Variants in ADAMTSL1 observed in about 807,000 individuals in gnomAD.
ADAMTSL1 encodes the protein ADAMTS like 1, also known as ADAMTS-like protein 1.
In ADAMTSL1, 126 loss-of-function variants were observed where a neutral mutation model predicts 201.8. The ratio of observed to expected loss-of-function variants is 0.62; its 90% confidence interval spans 0.54 to 0.72. The LOEUF (loss-of-function observed/expected upper bound fraction) is 0.72, where lower values mean the gene tolerates loss of function less well. Among genes scored for constraint, ADAMTSL1 ranks in the 30% least tolerant of loss-of-function variants. ADAMTSL1 has a pLI of 0.00. For missense variants in ADAMTSL1, 2,679 were observed against 2,277.8 expected, an observed-to-expected ratio of 1.18 and a Z score of -3.59; for synonymous variants, 1,121 against 903.4, an observed-to-expected ratio of 1.24 and a Z score of -4.32.
At chr9:18,728,564 C>T (rs1818038060) in intron 15 of ADAMTSL1, among the ~76,000 whole-genome samples, 1 of 152,058 alleles carries the variant, frequency 6.6e-6, no homozygotes, top group Admixed American at 6.6e-5. Context: ...AAGGAGTTAC[C>T]AGTTAATAGA....
intron 2 of ADAMTSL1, among the ~76,000 whole-genome samples, chr9:18,225,392 C>G (rs571503018): frequency 6.6e-6 from 1 of 152,050 alleles, no homozygotes; most frequent in Non-Finnish European, 1.5e-5. Flanking sequence ...CTATAATATG[C>G]GAAAATGTAT....
chr9:18,030,588 T>G (rs1180295132), intron 1 of ADAMTSL1, among the ~76,000 whole-genome samples: 1 of 152,164 alleles, frequency 6.6e-6, no homozygotes, highest in Non-Finnish European at 1.5e-5. Context: ...TTCTTTTGTG[T>G]TGACCTTGAA....
At chr9:18,692,230 G>A (rs1175774470) in intron 13 of ADAMTSL1, among the ~76,000 whole-genome samples, 1 of 152,184 alleles carries the variant, frequency 6.6e-6, no homozygotes, top group Non-Finnish European at 1.5e-5. Context: ...TTACAAAAAT[G>A]AGTAAGAAAA....
intron 1 of ADAMTSL1, among the ~76,000 whole-genome samples, chr9:18,162,163 C>T (rs890365471): frequency 1.3e-5 from 2 of 152,088 alleles, no homozygotes; most frequent in East Asian, 1.9e-4. Flanking sequence ...GACTGGGGTC[C>T]TCTTTCAAGC....
chr9:17,916,081 A>G, intron 1 of ADAMTSL1, among the ~76,000 whole-genome samples: 1 of 152,152 alleles, frequency 6.6e-6, no homozygotes, highest in Non-Finnish European at 1.5e-5. Context: ...CACCATGCAC[A>G]GCTAATTTTT....
chr9:18,113,330 C>G (rs992414492), intron 1 of ADAMTSL1, among the ~76,000 whole-genome samples: 2 of 152,058 alleles, frequency 1.3e-5, no homozygotes, highest in South Asian at 2.1e-4. Context: ...TTACATCTAA[C>G]AAAACTCCAA....
chr9:18,771,329 G>T (rs1489152785), intron 17 of ADAMTSL1, among the ~76,000 whole-genome samples: 1 of 152,190 alleles, frequency 6.6e-6, no homozygotes, highest in Non-Finnish European at 1.5e-5. Context: ...GATTTCCCTT[G>T]TTGTCCTGCA....
At chr9:18,654,420 G>GTATATACCTTA (rs1828493487) in intron 7 of ADAMTSL1, among the ~76,000 whole-genome samples, 1 of 152,106 alleles carries the variant, frequency 6.6e-6, no homozygotes, top group South Asian at 2.1e-4. Context: ...TACCTGAAAG[G>GTATATACCTTA]TATATAATTC....
chr9:18,181,393 C>A (rs201128250), intron 2 of ADAMTSL1, among the ~76,000 whole-genome samples: 4 of 152,040 alleles, frequency 2.6e-5, no homozygotes, highest in African/African-American at 4.8e-5. Flanking sequence ...CTCATCTGAC[C>A]AAGGGGTAAT....
chr9:18,207,491 G>A (rs1373693295), intron 2 of ADAMTSL1, among the ~76,000 whole-genome samples: 1 of 152,044 alleles, frequency 6.6e-6, no homozygotes, highest in African/African-American at 2.4e-5. Context: ...AAATAGTTAG[G>A]TACAACTCAT....
intron 3 of ADAMTSL1, among the ~76,000 whole-genome samples, chr9:18,560,898 T>A (rs1262165086): frequency 1.3e-5 from 2 of 151,748 alleles, no homozygotes; most frequent in African/African-American, 4.8e-5. Context: ...TTCTCTCTTT[T>A]TTTCTTTATT....
intron 23 of ADAMTSL1, among the ~76,000 whole-genome samples, chr9:18,842,478 T>C (rs779832200): frequency 9.2e-4 from 140 of 152,272 alleles, no homozygotes; most frequent in Admixed American, 2.2e-3. Context: ...AATTTTGGAA[T>C]AGGTGTGGTG....
intron 1 of ADAMTSL1, among the ~76,000 whole-genome samples, chr9:18,493,107 C>G (rs1478452559): frequency 6.6e-6 from 1 of 152,078 alleles, no homozygotes; most frequent in Non-Finnish European, 1.5e-5. Context: ...TATTTTGCCT[C>G]TATTAATTTA....
intron 1 of ADAMTSL1, among the ~76,000 whole-genome samples, chr9:18,121,878 A>C (rs1825513860): frequency 6.6e-6 from 1 of 152,064 alleles, no homozygotes; most frequent in African/African-American, 2.4e-5. Context: ...CTCTTTAGAA[A>C]ATTTTCATCT....
At chr9:18,484,883 G>A (rs1443039541) in intron 1 of ADAMTSL1, among the ~76,000 whole-genome samples, 1 of 152,172 alleles carries the variant, frequency 6.6e-6, no homozygotes, top group Non-Finnish European at 1.5e-5. Flanking sequence ...CTGGTTGGCA[G>A]GTAGGTAGGA....
chr9:17,945,635 C>T (rs1476293704), intron 1 of ADAMTSL1, among the ~76,000 whole-genome samples: 1 of 152,144 alleles, frequency 6.6e-6, no homozygotes, highest in Non-Finnish European at 1.5e-5. Context: ...ACTATGCAGC[C>T]ATGAAAAATG....
At chr9:18,215,274 T>C (rs1296111560) in intron 2 of ADAMTSL1, among the ~76,000 whole-genome samples, 1 of 152,122 alleles carries the variant, frequency 6.6e-6, no homozygotes, top group Non-Finnish European at 1.5e-5. Flanking sequence ...TTGTCAAAAT[T>C]GAAAATACTG....
intron 1 of ADAMTSL1, among the ~76,000 whole-genome samples, chr9:18,093,819 GTGTT>G (rs961770093): frequency 2.0e-5 from 3 of 152,290 alleles, no homozygotes; most frequent in Non-Finnish European, 4.4e-5. Flanking sequence ...TGGAAAGCTG[GTGTT>G]TGAACCAAGC....
At chr9:18,129,733 A>G (rs1326179170) in intron 1 of ADAMTSL1, among the ~76,000 whole-genome samples, 1 of 152,218 alleles carries the variant, frequency 6.6e-6, no homozygotes, top group African/African-American at 2.4e-5. Flanking sequence ...TGACGATTAA[A>G]TTCCTTTTCA....
Sources: gnomAD v4.1 joint callset for allele counts (sites outside exome capture counted in the v4.1 genomes callset) on GRCh38, gnomAD v4.1.1 for gene constraint, MANE v1.5 for transcripts, NCBI Gene and HGNC (gene_info 2026-07-23, HGNC 2026-07-21) for gene names.